PHACTR4: variants seen among roughly 807,000 people sequenced by gnomAD.
PHACTR4 encodes protein phosphatase 1, regulatory subunit 124.
A neutral mutation model predicts 72.7 loss-of-function variants in PHACTR4; 51 were observed. The ratio of observed to expected loss-of-function variants is 0.70; its 90% confidence interval spans 0.56 to 0.89. The LOEUF (loss-of-function observed/expected upper bound fraction) is 0.89. PHACTR4 is among the 40% of genes least tolerant of loss of function. The pLI, the probability that PHACTR4 is intolerant of heterozygous loss-of-function variation, is 0.00. For synonymous variants in PHACTR4, 255 were observed against 302.5 expected (o/e 0.84, Z 1.63); for missense variants, 731 against 861.8 (o/e 0.85, Z 1.90).
intron 1 of PHACTR4, among the ~76,000 whole-genome samples, chr1:28,376,745 T>C (rs2124113609): frequency 6.6e-6 from 1 of 152,134 alleles, no homozygotes; most frequent in Admixed American, 6.6e-5. Flanking sequence ...CACGCCATTT[T>C]CCTGCCTCAG....
intron 1 of PHACTR4, 71 bp from the exon 2 acceptor site, chr1:28,407,338 TA>T (rs746305898): frequency 7.7e-4 from 581 of 752,098 alleles, no homozygotes; most frequent in Non-Finnish European, 1.1e-3. Context: ...GAATTAGGAT[TA>T]TTTTTTTAAA....
intron 2 of PHACTR4, among the ~76,000 whole-genome samples, chr1:28,456,349 C>T (rs1295102964): frequency 6.6e-6 from 1 of 152,214 alleles, no homozygotes; most frequent in Admixed American, 6.5e-5. Context: ...ATTGCTAAGG[C>T]AGCACCATAT....
intron 6 of PHACTR4, among the ~76,000 whole-genome samples, chr1:28,470,023 T>A (rs560170867): frequency 6.6e-6 from 1 of 151,178 alleles, no homozygotes; most frequent in Non-Finnish European, 1.5e-5. Context: ...TGCACCACTG[T>A]ACTCCAACCT....
intron 2 of PHACTR4, among the ~76,000 whole-genome samples, chr1:28,421,401 T>G (rs72661761): frequency 0.29 from 44,347 of 151,688 alleles, 6,775 homozygotes; most frequent in Middle Eastern, 0.34. Context: ...TTGTTTTTTT[T>G]TTTTTGATTC....
At chr1:28,388,854 A>G (rs998278670) in intron 1 of PHACTR4, among the ~76,000 whole-genome samples, 2 of 152,140 alleles carry the variant, frequency 1.3e-5, no homozygotes, top group Non-Finnish European at 2.9e-5. Flanking sequence ...CATCTCAAAA[A>G]AAAAATCAAC....
At chr1:28,477,581 C>T (rs1471118438) in intron 8 of PHACTR4, among the ~76,000 whole-genome samples, 1 of 152,114 alleles carries the variant, frequency 6.6e-6, no homozygotes. Context: ...ATCTCAAGCA[C>T]TTATCATTTG....
chr1:28,408,815 A>G (rs1238281589), intron 2 of PHACTR4, among the ~76,000 whole-genome samples: 1 of 149,474 alleles, frequency 6.7e-6, no homozygotes, highest in East Asian at 2.0e-4. Flanking sequence ...AGCTGGGACT[A>G]TAGGTGTGCA....
At chr1:28,372,680 C>T (rs536543768) in intron 1 of PHACTR4, among the ~76,000 whole-genome samples, 13 of 151,810 alleles carry the variant, frequency 8.6e-5, no homozygotes, top group Non-Finnish European at 1.0e-4. Context: ...GGTAAAATCC[C>T]ATCTCTACTA....
At chr1:28,376,434 AC>A (rs1421687265) in intron 1 of PHACTR4, among the ~76,000 whole-genome samples, 1 of 150,614 alleles carries the variant, frequency 6.6e-6, no homozygotes, top group African/African-American at 2.4e-5. Flanking sequence ...TCCCACCTCA[AC>A]CCCCTGAGTA....
At chr1:28,460,751 C>T (rs978804181) in intron 4 of PHACTR4, among the ~76,000 whole-genome samples, 2 of 151,952 alleles carry the variant, frequency 1.3e-5, no homozygotes, top group Admixed American at 6.6e-5. Context: ...TCAGGTGATC[C>T]GCCCGCCTTG....
At chr1:28,398,606 G>A (rs1475894091) in intron 1 of PHACTR4, among the ~76,000 whole-genome samples, 1 of 152,036 alleles carries the variant, frequency 6.6e-6, no homozygotes, top group East Asian at 1.9e-4. Context: ...ATCGCTTGAG[G>A]TCAAGAGTTC....
intron 2 of PHACTR4, among the ~76,000 whole-genome samples, chr1:28,435,531 C>T (rs1443974921): frequency 6.6e-6 from 1 of 152,210 alleles, no homozygotes; most frequent in East Asian, 1.9e-4. Context: ...TCCTAAAGTG[C>T]TGGGATTATA....
intron 1 of PHACTR4, among the ~76,000 whole-genome samples, chr1:28,382,234 G>A (rs1363056464): frequency 6.6e-6 from 1 of 152,152 alleles, no homozygotes; most frequent in Non-Finnish European, 1.5e-5. Flanking sequence ...TTTCTGTGCA[G>A]GAGCTCTTTA....
chr1:28,372,118 A>C (rs11247791), intron 1 of PHACTR4, among the ~76,000 whole-genome samples: 57,682 of 150,784 alleles, frequency 0.38, 12,668 homozygotes, highest in African/African-American at 0.6. Context: ...CTCCTGACCT[A>C]AAGTAATTTA....
At chr1:28,395,425 T>G (rs1166424916) in intron 1 of PHACTR4, among the ~76,000 whole-genome samples, 1 of 152,124 alleles carries the variant, frequency 6.6e-6, no homozygotes, top group Non-Finnish European at 1.5e-5. Flanking sequence ...TAATTTGGAT[T>G]AGCACGCAAT....
At chr1:28,390,764 G>T (rs957502757) in intron 1 of PHACTR4, among the ~76,000 whole-genome samples, 3 of 152,004 alleles carry the variant, frequency 2.0e-5, no homozygotes, top group African/African-American at 7.3e-5. Flanking sequence ...CTGCGCTCCA[G>T]CCTGGGCAAC....
At chr1:28,387,550 G>A (rs1401032253) in intron 1 of PHACTR4, among the ~76,000 whole-genome samples, 1 of 151,892 alleles carries the variant, frequency 6.6e-6, no homozygotes, top group East Asian at 1.9e-4. Context: ...TTCAGGGTGA[G>A]CATTATGATT....
chr1:28,404,696 A>G (rs768014046), intron 1 of PHACTR4, among the ~76,000 whole-genome samples: 2 of 152,178 alleles, frequency 1.3e-5, no homozygotes, highest in Non-Finnish European at 2.9e-5. Flanking sequence ...ACATCATTTT[A>G]CATTCTCACC....
intron 9 of PHACTR4, among the ~76,000 whole-genome samples, chr1:28,483,579 A>G (rs1440357426): frequency 2.0e-5 from 3 of 152,206 alleles, no homozygotes; most frequent in African/African-American, 7.2e-5. Context: ...AGGCGGGTGG[A>G]TCATGAGGTC....
Sources: gnomAD v4.1 joint callset for allele counts (sites outside exome capture counted in the v4.1 genomes callset) on GRCh38, gnomAD v4.1.1 for gene constraint, MANE v1.5 for transcripts, NCBI Gene and HGNC (gene_info 2026-07-23, HGNC 2026-07-21) for gene names.